Variants in SPECC1 observed in about 807,000 individuals in gnomAD.
SPECC1 encodes sperm antigen with calponin homology and coiled-coil domains 1, also known as cytospin-B.
Under a neutral mutation model 104.1 loss-of-function variants are expected in SPECC1, and 62 were observed. That is an observed-to-expected ratio of 0.60 (90% CI 0.49 to 0.74). The LOEUF is 0.74. Ranked by LOEUF, SPECC1 falls within the 30% of genes least tolerant of loss-of-function variation. The probability of loss-of-function intolerance (pLI) is 0.00; values close to 1 mark genes in which losing one functional copy is unlikely to be tolerated. For missense variants in SPECC1, 1,306 were observed against 1,310.5 expected, an observed-to-expected ratio of 1.00 and a Z score of 0.05; for synonymous variants, 513 against 501.6, an observed-to-expected ratio of 1.02 and a Z score of -0.30.
At chr17:20,081,059 G>T (rs1256326564) in intron 1 of SPECC1, among the ~76,000 whole-genome samples, 1 of 152,136 alleles carries the variant, frequency 6.6e-6, no homozygotes, top group Non-Finnish European at 1.5e-5. Flanking sequence ...TCTAGTTCAT[G>T]CTTCTTATCC....
At chr17:20,304,117 CAAAAAAAAAAA>C (rs774130653) in intron 13 of SPECC1, among the ~76,000 whole-genome samples, 1 of 39,336 alleles carries the variant, frequency 2.5e-5, no homozygotes, top group Middle Eastern at 0.026. Context: ...ACTAAAAATA[CAAAAAAAAAAA>C]AAAAAAAAAA....
intron 12 of SPECC1, among the ~76,000 whole-genome samples, chr17:20,282,926 C>G: frequency 6.6e-6 from 1 of 152,114 alleles, no homozygotes; most frequent in East Asian, 1.9e-4. Context: ...CGCCTGTAAT[C>G]CCAGCACTTT....
chr17:20,168,907 C>G (rs2033872977), intron 3 of SPECC1, among the ~76,000 whole-genome samples: 2 of 152,162 alleles, frequency 1.3e-5, no homozygotes, highest in African/African-American at 4.8e-5. Flanking sequence ...GGGTCTTGCT[C>G]TGTCATCCAG....
intron 7 of SPECC1, among the ~76,000 whole-genome samples, chr17:20,240,129 C>T (rs2039136679): frequency 8.3e-6 from 1 of 120,174 alleles, no homozygotes; most frequent in African/African-American, 3.3e-5. Context: ...CACAGAGAGA[C>T]TGGTATCGAA....
At chr17:20,025,081 CT>C (rs1238509746) in intron 1 of SPECC1, among the ~76,000 whole-genome samples, 1 of 152,194 alleles carries the variant, frequency 6.6e-6, no homozygotes, top group Non-Finnish European at 1.5e-5. Context: ...TGGAAGTAGA[CT>C]TCACTTTGTG....
chr17:20,159,095 C>T (rs544101601), intron 3 of SPECC1, among the ~76,000 whole-genome samples: 1 of 152,104 alleles, frequency 6.6e-6, no homozygotes, highest in Non-Finnish European at 1.5e-5. Flanking sequence ...CAGGTGTGCA[C>T]CACTATGCCC....
chr17:20,075,888 A>G (rs1179320920), intron 1 of SPECC1, among the ~76,000 whole-genome samples: 3 of 152,168 alleles, frequency 2.0e-5, no homozygotes, highest in Admixed American at 6.5e-5. Context: ...TTGAGGCTAC[A>G]GTGAGCTGTG....
intron 4 of SPECC1, among the ~76,000 whole-genome samples, chr17:20,223,968 GT>G (rs2038054423): frequency 6.6e-6 from 1 of 152,180 alleles, no homozygotes; most frequent in African/African-American, 2.4e-5. Context: ...GTTTGTACTT[GT>G]CTTTCTTGAG....
At chr17:20,156,698 G>C (rs749550901) in intron 3 of SPECC1, among the ~76,000 whole-genome samples, 9 of 152,184 alleles carry the variant, frequency 5.9e-5, no homozygotes, top group Non-Finnish European at 8.8e-5. Context: ...TCCTAACCCA[G>C]AATAGTCCGT....
chr17:20,243,563 G>A (rs938502671), intron 7 of SPECC1, among the ~76,000 whole-genome samples: 5 of 152,072 alleles, frequency 3.3e-5, no homozygotes, highest in African/African-American at 1.2e-4. Context: ...TACACAGAGA[G>A]ACACACAGAC....
intron 10 of SPECC1, 99 bp downstream of exon 10, chr17:20,253,685 T>A: frequency 8.8e-7 from 1 of 1,131,120 alleles, no homozygotes; most frequent in Non-Finnish European, 1.3e-6. Flanking sequence ...AAATAATCAG[T>A]GGCATTTCTT....
chr17:20,105,798 T>C (rs1040472472), intron 2 of SPECC1, among the ~76,000 whole-genome samples: 1 of 152,180 alleles, frequency 6.6e-6, no homozygotes, highest in African/African-American at 2.4e-5. Flanking sequence ...CACCAAGACC[T>C]TGAGTCCCAG....
intron 1 of SPECC1, among the ~76,000 whole-genome samples, chr17:20,053,293 T>G (rs2045842660): frequency 6.6e-6 from 1 of 152,240 alleles, no homozygotes; most frequent in Non-Finnish European, 1.5e-5. Context: ...CCTCTATTCT[T>G]GCTAAAGTCA....
chr17:20,216,599 G>A (rs2037504834), intron 4 of SPECC1, among the ~76,000 whole-genome samples: 4 of 152,084 alleles, frequency 2.6e-5, no homozygotes, highest in Non-Finnish European at 5.9e-5. Flanking sequence ...CTTATCCTCT[G>A]GGCCCTGCGT....
intron 3 of SPECC1, among the ~76,000 whole-genome samples, chr17:20,200,189 A>G (rs1000965297): frequency 6.6e-6 from 1 of 152,222 alleles, no homozygotes; most frequent in African/African-American, 2.4e-5. Context: ...TAATCATAAA[A>G]GAGAAACAGT....
chr17:20,206,960 C>G (rs2036824069), intron 4 of SPECC1, among the ~76,000 whole-genome samples: 1 of 152,148 alleles, frequency 6.6e-6, no homozygotes, highest in African/African-American at 2.4e-5. Context: ...AATAACTTTT[C>G]TCAACACTTT....
intron 7 of SPECC1, among the ~76,000 whole-genome samples, chr17:20,235,792 AAT>A (rs1404809322): frequency 1.1e-3 from 166 of 152,358 alleles, no homozygotes; most frequent in Non-Finnish European, 1.7e-3. Flanking sequence ...GTGCCTAATT[AAT>A]GCTGTTGGTT....
At chr17:20,190,219 T>C (rs990175155) in intron 3 of SPECC1, among the ~76,000 whole-genome samples, 7 of 152,214 alleles carry the variant, frequency 4.6e-5, no homozygotes, top group African/African-American at 1.7e-4. Context: ...TCTCATTTGT[T>C]CTAAGTCCAA....
intron 3 of SPECC1, among the ~76,000 whole-genome samples, chr17:20,169,740 G>A (rs1395801380): frequency 6.6e-6 from 1 of 152,020 alleles, no homozygotes; most frequent in Non-Finnish European, 1.5e-5. Context: ...TGGCCTCAAG[G>A]GATCCTCCTG....
Sources: allele counts gnomAD v4.1 joint callset (sites outside exome capture counted in the v4.1 genomes callset), GRCh38; gene constraint gnomAD v4.1.1; transcripts MANE v1.5; gene names NCBI Gene and HGNC (gene_info 2026-07-23, HGNC 2026-07-21).